Variants in PKIG observed in about 807,000 individuals in gnomAD.
PKIG encodes the protein cAMP-dependent protein kinase inhibitor gamma.
In PKIG, 1 loss-of-function variant was observed where a neutral mutation model predicts 6.8. That is an observed-to-expected ratio of 0.15 (90% CI 0.05 to 0.69). The LOEUF (loss-of-function observed/expected upper bound fraction) is 0.69, where lower values mean the gene tolerates loss of function less well. Among genes scored for constraint, PKIG ranks in the 30% least tolerant of loss-of-function variants. The pLI, the probability that PKIG is intolerant of heterozygous loss-of-function variation, is 0.82. For missense variants in PKIG, 77 were observed against 104.0 expected, an observed-to-expected ratio of 0.74 and a Z score of 1.13; for synonymous variants, 39 against 43.0, an observed-to-expected ratio of 0.91 and a Z score of 0.36.
At chr20:44,546,596 A>G (rs1382343745) in intron 1 of PKIG, among the ~76,000 whole-genome samples, 1 of 133,652 alleles carries the variant, frequency 7.5e-6, no homozygotes, top group Non-Finnish European at 1.5e-5. Context: ...TTTGTTGCTT[A>G]TGCTGGAGTG....
intron 1 of PKIG, among the ~76,000 whole-genome samples, chr20:44,576,075 A>AT (rs1372292778): frequency 6.6e-6 from 1 of 152,130 alleles, no homozygotes; most frequent in African/African-American, 2.4e-5. Flanking sequence ...TCCTTCAGCA[A>AT]AAAGGCCCAA....
intron 2 of PKIG, among the ~76,000 whole-genome samples, chr20:44,600,905 T>G (rs1185396289): frequency 6.6e-6 from 1 of 151,832 alleles, no homozygotes; most frequent in Non-Finnish European, 1.5e-5. Context: ...ATAGGCTGAG[T>G]CAGAAATCTA....
chr20:44,558,200 A>C (rs991879034), intron 1 of PKIG, among the ~76,000 whole-genome samples: 1 of 152,178 alleles, frequency 6.6e-6, no homozygotes, highest in Admixed American at 6.5e-5. Flanking sequence ...AATTGTCCTC[A>C]TCATTGTGGT....
chr20:44,604,538 G>T (rs1230226146), intron 2 of PKIG, among the ~76,000 whole-genome samples: 1 of 152,238 alleles, frequency 6.6e-6, no homozygotes. Flanking sequence ...GTTGGACTAG[G>T]AGAATGTAAA....
chr20:44,587,602 AT>A (rs201647734), intron 1 of PKIG, among the ~76,000 whole-genome samples: 10 of 150,518 alleles, frequency 6.6e-5, no homozygotes, highest in Non-Finnish European at 1.2e-4. Context: ...TTTATTGTGG[AT>A]TTTTTTTTTC....
chr20:44,536,515 CAA>C (rs2064513853), intron 1 of PKIG, among the ~76,000 whole-genome samples: 1 of 152,112 alleles, frequency 6.6e-6, no homozygotes, highest in East Asian at 1.9e-4. Flanking sequence ...ACTTGACCAA[CAA>C]GAGGTAAGGG....
intron 1 of PKIG, among the ~76,000 whole-genome samples, chr20:44,547,802 A>G (rs1268795525): frequency 1.3e-5 from 2 of 152,138 alleles, no homozygotes; most frequent in African/African-American, 2.4e-5. Context: ...TGGGAGGCCA[A>G]GGTGGGCGGA....
At chr20:44,571,260 G>A (rs890191879) in intron 1 of PKIG, among the ~76,000 whole-genome samples, 1 of 145,214 alleles carries the variant, frequency 6.9e-6, no homozygotes, top group Non-Finnish European at 1.5e-5. Flanking sequence ...ATGACAAAAT[G>A]ACCTGAAAAA....
chr20:44,540,749 T>A lies in PKIG; in HGVS notation c.-241+8771T>A, dbSNP rs193300687. Among the ~76,000 whole-genome samples the A allele has an allele frequency of 1.6e-3, 243 of 152,088 alleles. 1 individual carries two copies. The highest frequency in any genetic ancestry group is 5.5e-3 in the African/African-American group (228 of 41,460). On this transcript the variant is annotated intron_variant, in intron 1 of 4. Transcript: ENST00000372887. ...CCCACCACCATACCCGGCTAATTTT[T>A]AAAAATATTTTTAGTAGAGACAGGA...
At chr20:44,611,505 C>G (rs535133609) in intron 2 of PKIG, among the ~76,000 whole-genome samples, 199 of 151,706 alleles carry the variant, frequency 1.3e-3, no homozygotes, top group Non-Finnish European at 2.5e-3. Context: ...GTTGTATTCT[C>G]TCCTTCTATA....
At chr20:44,549,915 A>T (rs940732766) in intron 1 of PKIG, among the ~76,000 whole-genome samples, 1 of 151,960 alleles carries the variant, frequency 6.6e-6, no homozygotes, top group Non-Finnish European at 1.5e-5. Context: ...TGATAATATT[A>T]TATCTCTTTC....
chr20:44,601,483 G>T (rs2065121156), intron 2 of PKIG, among the ~76,000 whole-genome samples: 1 of 152,238 alleles, frequency 6.6e-6, no homozygotes. Flanking sequence ...CAGGTTCTTG[G>T]AATATTCTCA....
At chr20:44,575,307 A>G (rs1413074278) in intron 1 of PKIG, among the ~76,000 whole-genome samples, 3 of 152,150 alleles carry the variant, frequency 2.0e-5, no homozygotes, top group South Asian at 2.1e-4. Flanking sequence ...CAACTTCTGC[A>G]TCCTGGGTTC....
chr20:44,612,948 C>G (rs1372997399), intron 2 of PKIG, among the ~76,000 whole-genome samples: 1 of 152,180 alleles, frequency 6.6e-6, no homozygotes, highest in Non-Finnish European at 1.5e-5. Context: ...CCCATCCAAG[C>G]ATGCTGGCAC....
chr20:44,562,021 G>A (rs1568811684), intron 1 of PKIG, among the ~76,000 whole-genome samples: 2 of 152,138 alleles, frequency 1.3e-5, no homozygotes, highest in African/African-American at 2.4e-5. Flanking sequence ...AGGCATGGTG[G>A]TGCATGCCTG....
chr20:44,590,517 G>T (rs933780774), intron 2 of PKIG, among the ~76,000 whole-genome samples: 8 of 152,102 alleles, frequency 5.3e-5, no homozygotes, highest in African/African-American at 1.9e-4. Flanking sequence ...TTAAACTCAG[G>T]GTAACATAAT....
At chr20:44,590,618 A>G (rs1207409536) in intron 2 of PKIG, among the ~76,000 whole-genome samples, 2 of 152,210 alleles carry the variant, frequency 1.3e-5, no homozygotes. Context: ...GTCCACAGAG[A>G]TCTTTTCACC....
intron 1 of PKIG, among the ~76,000 whole-genome samples, chr20:44,588,515 G>C (rs1009431264): frequency 1.3e-5 from 2 of 152,124 alleles, no homozygotes; most frequent in Non-Finnish European, 2.9e-5. Context: ...GCGGTGGCAC[G>C]CACCTGCAGT....
chr20:44,568,584 G>A (rs1013918543), intron 1 of PKIG, among the ~76,000 whole-genome samples: 2 of 151,984 alleles, frequency 1.3e-5, no homozygotes, highest in African/African-American at 2.4e-5. Flanking sequence ...ACGAGTAGCT[G>A]AGATTACAGG....
Sources: allele counts gnomAD v4.1 joint callset (sites outside exome capture counted in the v4.1 genomes callset), GRCh38; gene constraint gnomAD v4.1.1; transcripts MANE v1.5; gene names NCBI Gene and HGNC (gene_info 2026-07-23, HGNC 2026-07-21).